Variants in SEZ6L observed in about 807,000 individuals in gnomAD.
SEZ6L encodes seizure 6-like protein.
A neutral mutation model predicts 106.2 loss-of-function variants in SEZ6L; 37 were observed. The observed-to-expected ratio is 0.35, with a 90% CI of 0.27 to 0.46. The LOEUF (loss-of-function observed/expected upper bound fraction) is 0.46, where lower values mean the gene tolerates loss of function less well. Among genes scored for constraint, SEZ6L ranks in the 20% least tolerant of loss-of-function variants. The pLI is 1.00. For synonymous variants in SEZ6L, 541 were observed against 570.4 expected, an observed-to-expected ratio of 0.95 and a Z score of 0.73; for missense variants, 1,172 against 1,332.8, an observed-to-expected ratio of 0.88 and a Z score of 1.88.
At position 26,322,938 on chromosome 22, in the gene SEZ6L, C is replaced by T. The variant is rs554107966; in HGVS notation, c.2015+9036C>T. Among the ~76,000 whole-genome samples the T allele has an allele frequency of 5.9e-5, 9 of 152,310 alleles. No individual in the cohort carries two copies. The East Asian group carries it at 1.7e-3, about 29-fold the overall frequency. On this transcript the variant is annotated intron_variant, in intron 9 of 16. Coordinates refer to ENST00000248933, the MANE Select transcript of SEZ6L (RefSeq NM_021115.5). ...CACTCTCTCTCATTCATTCTCTCTCCACACCCCTTCCCCAACTCTCAAAAT... is the reference window on the plus strand; with the variant it reads ...CACTCTCTCTCATTCATTCTCTCTCTACACCCCTTCCCCAACTCTCAAAAT...
intron 9 of SEZ6L, among the ~76,000 whole-genome samples, chr22:26,316,906 A>AAAGAAAGAAAGAAAGAGAAAGAAAGAAGG (rs1349061127): frequency 3.1e-4 from 4 of 13,034 alleles, no homozygotes; most frequent in Admixed American, 2.4e-3. Context: ...AAGAAAGAAG[A>AAAGAAAGAAAGAAAGAGAAAGAAAGAAGG]AAGAAAGAAA....
chr22:26,193,891 G>A (rs1325966750), intron 1 of SEZ6L, among the ~76,000 whole-genome samples: 2 of 152,214 alleles, frequency 1.3e-5, no homozygotes, highest in African/African-American at 2.4e-5. Flanking sequence ...AGGGAAAGAA[G>A]TTAACCAGAA....
chr22:26,207,799 T>C (rs907854221), intron 1 of SEZ6L, among the ~76,000 whole-genome samples: 1 of 152,188 alleles, frequency 6.6e-6, no homozygotes, highest in African/African-American at 2.4e-5. Context: ...TTATTGACCC[T>C]TTGACCCCTC....
intron 1 of SEZ6L, among the ~76,000 whole-genome samples, chr22:26,239,313 C>A (rs1219701793): frequency 6.6e-6 from 1 of 152,168 alleles, no homozygotes; most frequent in Admixed American, 6.5e-5. Context: ...CAGCACACAC[C>A]TCAGCATTTG....
chr22:26,329,764 A>T lies in SEZ6L; in HGVS notation c.2016-10672A>T, dbSNP rs147545315. On this transcript the variant is annotated intron_variant, in intron 9 of 16. Transcript: ENST00000248933. ...CAGTTTACTCCTCTATGGGATTCAT[A>T]ATGTTTTTTCTCTGACCACCTGACT... 2.2e-3 allele frequency among the ~76,000 whole-genome samples: 337 copies of T among 152,322 alleles called. 8 individuals are homozygous for T. In the East Asian group the frequency reaches 0.057, roughly 26 times the overall value.
intron 9 of SEZ6L, among the ~76,000 whole-genome samples, chr22:26,339,819 A>G (rs1488269939): frequency 6.6e-6 from 1 of 152,230 alleles, no homozygotes; most frequent in Non-Finnish European, 1.5e-5. Context: ...TAACACAGAG[A>G]TGTCACCTAA....
In SEZ6L at chr22:26,292,597, A is replaced by G. The variant is rs2081166519; in HGVS notation, c.286A>G (p.Ile96Val). 1.5e-5 allele frequency: 24 copies of G among 1,613,636 alleles called. No homozygotes were observed. The highest frequency in any genetic ancestry group is 2.0e-5 in the Non-Finnish European group (24 of 1,179,848). Reference protein sequence around the residue: ...DGTAPSAHHDIPALSPLLPEE... With the variant: ...DGTAPSAHHDVPALSPLLPEE... ...GACCGCACCCTCTGCACATCACGAC[A>G]TCCCAGCCCTGTCACCGCTGCTTCC... The change falls in exon 2 of 17, where the codon ATC becomes GTC. Residue 96 changes from isoleucine (I) to valine (V), a missense_variant. By Grantham distance (29) the Ile-to-Val change is conservative. Transcript: ENST00000248933.
At chr22:26,352,286 T>C (rs2083307268) in intron 12 of SEZ6L, among the ~76,000 whole-genome samples, 1 of 152,152 alleles carries the variant, frequency 6.6e-6, no homozygotes, top group African/African-American at 2.4e-5. Context: ...TACACAGTAT[T>C]TTGGGGGTTA....
chr22:26,223,900 A>G (rs986608881), intron 1 of SEZ6L, among the ~76,000 whole-genome samples: 3 of 152,176 alleles, frequency 2.0e-5, no homozygotes, highest in African/African-American at 7.2e-5. Flanking sequence ...AAGCTGGTAC[A>G]GTCTGGATCT....
chr22:26,279,644 G>A (rs1250432488), intron 1 of SEZ6L, among the ~76,000 whole-genome samples: 2 of 152,186 alleles, frequency 1.3e-5, no homozygotes, highest in Admixed American at 1.3e-4. Context: ...ATGGGGCCAG[G>A]GCACTTGGTC....
intron 1 of SEZ6L, among the ~76,000 whole-genome samples, chr22:26,186,216 A>G (rs1393556611): frequency 6.6e-6 from 1 of 152,138 alleles, no homozygotes; most frequent in East Asian, 1.9e-4. Context: ...GGCCAGAGAT[A>G]AGTCCTTAGA....
intron 1 of SEZ6L, among the ~76,000 whole-genome samples, chr22:26,230,753 T>C (rs1447227119): frequency 1.3e-5 from 2 of 152,040 alleles, no homozygotes; most frequent in African/African-American, 4.8e-5. Context: ...CCAGGGAGAA[T>C]GTTCTGGGAA....
At chr22:26,354,844 C>CTT (rs888588051) in intron 12 of SEZ6L, among the ~76,000 whole-genome samples, 4 of 152,200 alleles carry the variant, frequency 2.6e-5, no homozygotes, top group African/African-American at 9.6e-5. Flanking sequence ...GACGGCTTCC[C>CTT]TTACACCCAT....
chr22:26,305,520 T>C lies in SEZ6L; in HGVS notation c.1349-459T>C, dbSNP rs146773100. Among the ~76,000 whole-genome samples the C allele has an allele frequency of 1.7e-3, 252 of 152,350 alleles. 2 individuals are homozygous for C. The highest frequency in any genetic ancestry group is 5.8e-3 in the African/African-American group (243 of 41,576). ...AGGTGGATGAAAGTAGAATACAGCT[T>C]AGATTTGCATTTCATTTGTTATTAG... On this transcript the variant is annotated intron_variant, in intron 5 of 16. Transcript: ENST00000248933.
At chr22:26,353,859 C>T (rs653801) in intron 12 of SEZ6L, among the ~76,000 whole-genome samples, 78,821 of 145,456 alleles carry the variant, frequency 0.54, 21,503 homozygotes, top group Admixed American at 0.59. Context: ...TATCTGTAAC[C>T]GTGACCTTGA....
chr22:26,248,908 C>T (rs1252070867), intron 1 of SEZ6L, among the ~76,000 whole-genome samples: 3 of 151,424 alleles, frequency 2.0e-5, no homozygotes, highest in Non-Finnish European at 3.0e-5. Flanking sequence ...CCTGCCCATG[C>T]CCCATGCATT....
At chr22:26,295,571 G>A (rs1049616615) in intron 3 of SEZ6L, among the ~76,000 whole-genome samples, 1 of 152,116 alleles carries the variant, frequency 6.6e-6, no homozygotes, top group Admixed American at 6.5e-5. Context: ...AATTGTTCAT[G>A]GAATTAAAAT....
At chr22:26,294,259 C>T in intron 2 of SEZ6L, 33 bp from the exon 3 acceptor site, 1 of 1,611,298 alleles carries the variant, frequency 6.2e-7, no homozygotes, top group Non-Finnish European at 8.5e-7. Context: ...TCCAAGTTGT[C>T]TTTGGTGTCC....
chr22:26,267,172 C>A (rs1411064774), intron 1 of SEZ6L, among the ~76,000 whole-genome samples: 1 of 152,110 alleles, frequency 6.6e-6, no homozygotes, highest in Non-Finnish European at 1.5e-5. Flanking sequence ...GCTCTCATAC[C>A]CATTTCACAG....
Sources: gnomAD v4.1 joint callset for allele counts (sites outside exome capture counted in the v4.1 genomes callset) on GRCh38, gnomAD v4.1.1 for gene constraint, MANE v1.5 for transcripts, NCBI Gene and HGNC (gene_info 2026-07-23, HGNC 2026-07-21) for gene names.